NFIB: variants seen among roughly 807,000 people sequenced by gnomAD.
The protein encoded by NFIB is nuclear factor I B.
In NFIB, 11 loss-of-function variants were observed where a neutral mutation model predicts 61.5. The ratio of observed to expected loss-of-function variants is 0.18; its 90% CI spans 0.11 to 0.30. The LOEUF is 0.30. Ranked by LOEUF, NFIB falls within the 10% of genes least tolerant of loss-of-function variation. The pLI is 1.00. For synonymous variants in NFIB, 260 were observed against 216.5 expected (o/e 1.20, Z -1.76); for missense variants, 471 against 608.9 (o/e 0.77, Z 2.38).
chr9:14,309,655 C>T (rs2060192556), intron 1 of NFIB, among the ~76,000 whole-genome samples: 1 of 152,210 alleles, frequency 6.6e-6, no homozygotes. Flanking sequence ...TAAGACCTCC[C>T]TATCTCCATA....
intron 1 of NFIB, among the ~76,000 whole-genome samples, chr9:14,365,835 A>T (rs2061293300): frequency 6.6e-6 from 1 of 152,170 alleles, no homozygotes; most frequent in Non-Finnish European, 1.5e-5. Context: ...GACTGATCTA[A>T]CGTGAGACCA....
chr9:14,107,319 A>C (rs79177352), intron 10 of NFIB, among the ~76,000 whole-genome samples: 2,372 of 151,966 alleles, frequency 0.016, 59 homozygotes, highest in African/African-American at 0.052. Flanking sequence ...CATGCAAAAA[A>C]AAACAAACAA....
At chr9:14,232,675 T>G (rs901897155) in intron 2 of NFIB, among the ~76,000 whole-genome samples, 2 of 152,188 alleles carry the variant, frequency 1.3e-5, no homozygotes, top group Non-Finnish European at 2.9e-5. Context: ...AAGAATTCTT[T>G]TCACCTTGGA....
intron 10 of NFIB, among the ~76,000 whole-genome samples, chr9:14,098,503 T>C (rs1414898451): frequency 2.6e-5 from 4 of 152,260 alleles, no homozygotes; most frequent in Non-Finnish European, 5.9e-5. Context: ...GGCTATATTC[T>C]GACTATCACT....
intron 2 of NFIB, among the ~76,000 whole-genome samples, chr9:14,206,628 T>C (rs1205112801): frequency 7.0e-6 from 1 of 143,072 alleles, no homozygotes; most frequent in Non-Finnish European, 1.5e-5. Context: ...TGATTGACCA[T>C]CTAGTACCTG....
intron 1 of NFIB, among the ~76,000 whole-genome samples, chr9:14,351,008 T>G (rs950614794): frequency 3.9e-5 from 6 of 152,180 alleles, no homozygotes; most frequent in African/African-American, 1.4e-4. Context: ...CAAAGGAGAC[T>G]CGGAGGGAAA....
At chr9:14,247,062 G>A (rs1481501228) in intron 2 of NFIB, among the ~76,000 whole-genome samples, 1 of 152,094 alleles carries the variant, frequency 6.6e-6, no homozygotes, top group Non-Finnish European at 1.5e-5. Flanking sequence ...ACCACGAAGA[G>A]AGCCCTCACC....
intron 2 of NFIB, among the ~76,000 whole-genome samples, chr9:14,197,752 T>C (rs1020970050): frequency 4.6e-5 from 7 of 152,196 alleles, no homozygotes; most frequent in African/African-American, 1.7e-4. Context: ...GAGGTGTCCC[T>C]GAGGCTGCAG....
At chr9:14,244,501 G>A (rs2054682719) in intron 2 of NFIB, among the ~76,000 whole-genome samples, 1 of 152,066 alleles carries the variant, frequency 6.6e-6, no homozygotes, top group Non-Finnish European at 1.5e-5. Context: ...TGAGCTAATG[G>A]GAATGAGTAT....
chr9:14,460,927 G>A, the NFIB span, among the ~76,000 whole-genome samples: 1 of 151,640 alleles, frequency 6.6e-6, no homozygotes, highest in Admixed American at 6.6e-5. Context: ...ATTTTCTATA[G>A]TCTTTAGGAC....
chr9:14,305,024 T>C (rs957384992), intron 2 of NFIB, among the ~76,000 whole-genome samples: 7 of 152,224 alleles, frequency 4.6e-5, no homozygotes, highest in Non-Finnish European at 8.8e-5. Context: ...CAATAGAGAT[T>C]GTTGAACCAA....
chr9:14,101,433 G>T, intron 10 of NFIB, among the ~76,000 whole-genome samples: 1 of 152,194 alleles, frequency 6.6e-6, no homozygotes, highest in Non-Finnish European at 1.5e-5. Context: ...CTCTTCAGCA[G>T]TTTCTGTGAA....
the NFIB span, among the ~76,000 whole-genome samples, chr9:14,483,020 A>G: frequency 1.3e-5 from 2 of 152,178 alleles, no homozygotes; most frequent in African/African-American, 4.8e-5. Flanking sequence ...ATGTTGCTGC[A>G]CCCAGACAAT....
At chr9:14,324,327 A>C (rs1177861028) in intron 1 of NFIB, among the ~76,000 whole-genome samples, 3 of 152,190 alleles carry the variant, frequency 2.0e-5, no homozygotes, top group Non-Finnish European at 4.4e-5. Context: ...CTAAATAAAA[A>C]ATTTATTTAG....
intron 2 of NFIB, among the ~76,000 whole-genome samples, chr9:14,229,443 C>A (rs1477653280): frequency 1.3e-5 from 2 of 152,132 alleles, no homozygotes; most frequent in African/African-American, 4.8e-5. Context: ...CACCAAAAGG[C>A]TGCAGAGTGT....
chr9:14,156,863 A>G (rs1254115039), intron 3 of NFIB, among the ~76,000 whole-genome samples: 1 of 152,216 alleles, frequency 6.6e-6, no homozygotes, highest in Non-Finnish European at 1.5e-5. Context: ...CAAACAAACA[A>G]AACTAGATTC....
At chr9:14,208,562 CT>C (rs35510277) in intron 2 of NFIB, among the ~76,000 whole-genome samples, 10,088 of 139,118 alleles carry the variant, frequency 0.073, 420 homozygotes, top group South Asian at 0.15. Context: ...CTTAAAAGAG[CT>C]TTTTTTTTTT....
intron 6 of NFIB, among the ~76,000 whole-genome samples, chr9:14,126,802 C>T (rs762441787): frequency 6.6e-6 from 1 of 152,180 alleles, no homozygotes; most frequent in Non-Finnish European, 1.5e-5. Flanking sequence ...CTGGCCAAAA[C>T]AGAGACAGAA....
chr9:14,370,252 C>T (rs943167361), intron 1 of NFIB, among the ~76,000 whole-genome samples: 4 of 152,192 alleles, frequency 2.6e-5, no homozygotes, highest in Admixed American at 1.3e-4. Flanking sequence ...GCTCCCTCTT[C>T]GCATTTATCA....
Sources: allele counts gnomAD v4.1 joint callset (sites outside exome capture counted in the v4.1 genomes callset), GRCh38; gene constraint gnomAD v4.1.1; transcripts MANE v1.5; gene names NCBI Gene and HGNC (gene_info 2026-07-23, HGNC 2026-07-21).